INPP5D: variants seen among roughly 807,000 people sequenced by gnomAD.
The protein encoded by INPP5D is phosphatidylinositol 3,4,5-trisphosphate 5-phosphatase 1.
Under a neutral mutation model 122.9 loss-of-function variants are expected in INPP5D, and 33 were observed. That is an observed-to-expected ratio of 0.27 (90% confidence interval 0.20 to 0.36). INPP5D has a LOEUF of 0.36. Ranked by LOEUF, INPP5D falls within the 10% of genes least tolerant of loss-of-function variation. The probability of loss-of-function intolerance (pLI) is 1.00; values close to 1 mark genes in which losing one functional copy is unlikely to be tolerated. For missense variants in INPP5D, 1,053 were observed against 1,412.7 expected (o/e 0.75, Z 4.08); for synonymous variants, 584 against 576.2 (o/e 1.01, Z -0.19).
In INPP5D at chr2:233,146,436, G is replaced by C. The variant is rs1693763818; in HGVS notation, c.904G>C (p.Glu302Gln). 1.4e-6 allele frequency: 1 copy of C among 704,150 alleles called. No individual in the cohort carries two copies. The highest frequency in any genetic ancestry group is 2.6e-6 in the Non-Finnish European group (1 of 385,006). 43.6% of individuals were successfully genotyped at this position (704,150 alleles called of 1,614,324 possible). A position where few individuals can be genotyped will look rare whatever the true frequency, so the allele number is the denominator to read the frequency against. ...CTCCCTTATCCCTCCAGTCACCTTT[G>C]AGGTAAGTGGCCATGGGACAGCAGA... Reference protein sequence around the residue: ...RPSLIPPVTFEVKAESLGIPQ... With the variant: ...RPSLIPPVTFQVKAESLGIPQ... The change falls in exon 8 of 27, where the codon GAG becomes CAG. Residue 302 changes from glutamate (E) to glutamine (Q), a missense_variant and splice_region_variant. Physicochemically the swap from Glu to Gln is conservative, Grantham distance 29. Transcript: ENST00000445964.
intron 11 of INPP5D, among the ~76,000 whole-genome samples, 174 bp downstream of exon 11, chr2:233,162,000 C>T (rs1694211088): frequency 6.6e-6 from 1 of 152,216 alleles, no homozygotes; most frequent in African/African-American, 2.4e-5. Flanking sequence ...GAATTCCACC[C>T]TTTTCCTGAG....
intron 9 of INPP5D, among the ~76,000 whole-genome samples, chr2:233,151,041 C>A (rs1264559110): frequency 5.3e-5 from 8 of 152,124 alleles, no homozygotes; most frequent in Non-Finnish European, 1.5e-5. Flanking sequence ...TAGGTGTGAA[C>A]AGAGCCTAGA....
At chr2:233,178,437 T>A (rs927202726) in intron 18 of INPP5D, among the ~76,000 whole-genome samples, 3 of 151,916 alleles carry the variant, frequency 2.0e-5, no homozygotes, top group African/African-American at 7.3e-5. Flanking sequence ...AACACTTCAC[T>A]GACTGAGAAT....
intron 3 of INPP5D, among the ~76,000 whole-genome samples, chr2:233,123,672 G>A (rs1224173078): frequency 6.6e-6 from 1 of 152,206 alleles, no homozygotes; most frequent in Non-Finnish European, 1.5e-5. Flanking sequence ...ATATGTGTAT[G>A]TTCATTGCAG....
intron 13 of INPP5D, among the ~76,000 whole-genome samples, chr2:233,168,049 G>GAAA (rs1694395270): frequency 3.6e-5 from 1 of 28,030 alleles, no homozygotes. Flanking sequence ...AAAAGAAAAT[G>GAAA]ATGGGAGCCA....
intron 4 of INPP5D, 68 bp downstream of exon 4, chr2:233,125,987 G>C: frequency 6.6e-7 from 1 of 1,504,874 alleles, no homozygotes; most frequent in Non-Finnish European, 9.0e-7. Context: ...GGGCTGGATG[G>C]CTTGGGTTTC....
chr2:233,164,202 G>T lies in INPP5D; in HGVS notation c.1438-105G>T, dbSNP rs1403525839. 4.7e-5 allele frequency: 69 copies of T among 1,459,206 alleles called. No homozygotes were observed. The highest frequency in any genetic ancestry group is 6.1e-5 in the Non-Finnish European group (67 of 1,104,068). The allele number at this position is 1,459,206 out of a possible 1,614,324, so 90.4% of individuals were successfully genotyped here. A position where few individuals can be genotyped will look rare whatever the true frequency, so the allele number is the denominator to read the frequency against. On this transcript the variant is annotated intron_variant, in intron 12 of 26. Transcript: ENST00000445964. The surrounding 1 kb of genome is among the most constrained non-coding windows in gnomAD (Gnocchi z 4.3). ...CCCGAAGGGTTGGGATTACAGACAG[G>T]ATACCCCATACCCAGGGGCTGCGGC...
chr2:233,089,076 A>G (rs1272007847), intron 2 of INPP5D, among the ~76,000 whole-genome samples: 1 of 152,148 alleles, frequency 6.6e-6, no homozygotes, highest in East Asian at 1.9e-4. Flanking sequence ...CTCACTGGGC[A>G]TACGTCACTG....
chr2:233,061,784 C>T (rs1294923046), intron 1 of INPP5D, among the ~76,000 whole-genome samples: 1 of 152,242 alleles, frequency 6.6e-6, no homozygotes, highest in Non-Finnish European at 1.5e-5. Context: ...CATCTGCCCC[C>T]AGAGGCTGCA....
At chr2:233,138,949 T>A (rs1693573129) in intron 5 of INPP5D, among the ~76,000 whole-genome samples, 1 of 146,088 alleles carries the variant, frequency 6.8e-6, no homozygotes, top group Non-Finnish European at 1.5e-5. Flanking sequence ...GAGACGGGGG[T>A]TTCACCACGT....
intron 3 of INPP5D, among the ~76,000 whole-genome samples, chr2:233,124,028 A>G (rs1316181868): frequency 1.3e-5 from 2 of 152,198 alleles, no homozygotes; most frequent in Non-Finnish European, 1.5e-5. Flanking sequence ...TACCAGGATG[A>G]TGAAATAATC....
chr2:233,195,295 T>A (rs1695151729), intron 23 of INPP5D, 104 bp from the exon 24 acceptor site: 4 of 1,562,954 alleles, frequency 2.6e-6, no homozygotes, highest in Non-Finnish European at 3.5e-6. Flanking sequence ...TACTCACTAT[T>A]CACTGTGCAG....
intron 8 of INPP5D, 118 bp from the exon 9 acceptor site, chr2:233,147,353 C>A: frequency 1.6e-6 from 1 of 634,814 alleles, no homozygotes. Context: ...GCCCAGTGGC[C>A]CCACGAAGGA....
At chr2:233,199,281 A>G (rs1271247060) in intron 25 of INPP5D, among the ~76,000 whole-genome samples, 6 of 123,464 alleles carry the variant, frequency 4.9e-5, no homozygotes, top group African/African-American at 5.9e-5. Flanking sequence ...CAGCTACTCA[A>G]GAGGCTGAGG....
intron 1 of INPP5D, among the ~76,000 whole-genome samples, chr2:233,072,862 C>A (rs1233643879): frequency 6.6e-6 from 1 of 152,200 alleles, no homozygotes; most frequent in Non-Finnish European, 1.5e-5. Flanking sequence ...AAATAGATGG[C>A]ATGTTCAACA....
chr2:233,083,933 C>T (rs1282273538), intron 2 of INPP5D, among the ~76,000 whole-genome samples: 1 of 152,190 alleles, frequency 6.6e-6, no homozygotes, highest in African/African-American at 2.4e-5. Flanking sequence ...TTAGAACTAC[C>T]CATAATCCCC....
At chr2:233,137,865 T>C (rs1233220808) in intron 5 of INPP5D, among the ~76,000 whole-genome samples, 1,019 of 27,074 alleles carry the variant, frequency 0.038, 214 homozygotes, top group African/African-American at 0.12. Context: ...TATATATATA[T>C]ATATATATAT....
rs1421302742 is a variant in INPP5D at position 233,189,664 on chromosome 2, C to A, written c.2359-186C>A. Among the ~76,000 whole-genome samples, 1 of 152,108 alleles carries A rather than the reference C, an allele frequency of 6.6e-6. No individual in the cohort carries two copies. Among genetic ancestry groups the A allele is most frequent in the Non-Finnish European group, 1.5e-5 (1 of 67,996 alleles). On this transcript the variant is annotated intron_variant, in intron 21 of 26. Coordinates refer to ENST00000445964, the MANE Select transcript of INPP5D (RefSeq NM_001017915.3). The surrounding 1 kb of genome is among the most constrained non-coding windows in gnomAD (Gnocchi z 5.6). ...TGAGGGGGACAGGGAAGGAAGCTAACCCCCACCTTGCTGGACAGGGTGTAT... is the reference window on the plus strand; with the variant it reads ...TGAGGGGGACAGGGAAGGAAGCTAAACCCCACCTTGCTGGACAGGGTGTAT...
At chr2:233,142,266 G>C (rs895301633) in intron 6 of INPP5D, among the ~76,000 whole-genome samples, 13 of 152,204 alleles carry the variant, frequency 8.5e-5, no homozygotes, top group African/African-American at 3.1e-4. Flanking sequence ...AACAGAAAAG[G>C]TTGTTCTTGA....
Sources: allele counts gnomAD v4.1 joint callset (sites outside exome capture counted in the v4.1 genomes callset), GRCh38; gene constraint gnomAD v4.1.1; non-coding constraint Gnocchi (gnomAD v3.1); transcripts MANE v1.5; gene names NCBI Gene and HGNC (gene_info 2026-07-23, HGNC 2026-07-21).